PALS2: variants seen among roughly 807,000 people sequenced by gnomAD.
PALS2 encodes protein associated with LIN7 2, MAGUK p55 family member.
Under a neutral mutation model 61.6 loss-of-function variants are expected in PALS2, and 27 were observed. The observed-to-expected ratio is 0.44, with a 90% CI of 0.32 to 0.60. The LOEUF (loss-of-function observed/expected upper bound fraction) is 0.60, where lower values mean the gene tolerates loss of function less well. Among genes scored for constraint, PALS2 ranks in the 20% least tolerant of loss-of-function variants. The pLI is 0.05. For synonymous variants in PALS2, 236 were observed against 218.6 expected (o/e 1.08, Z -0.70); for missense variants, 554 against 639.4 (o/e 0.87, Z 1.44).
chr7:24,579,389 C>G (rs1413423166), intron 1 of PALS2, among the ~76,000 whole-genome samples: 1 of 152,082 alleles, frequency 6.6e-6, no homozygotes, highest in Admixed American at 6.5e-5. Context: ...GGAAATATGC[C>G]TTAATTGATA....
chr7:24,607,187 G>A (rs2711129), intron 1 of PALS2, among the ~76,000 whole-genome samples: 23,993 of 151,990 alleles, frequency 0.16, 1,917 homozygotes, highest in Non-Finnish European at 0.18. Flanking sequence ...TACTACATTG[G>A]GGAAAATGAG....
intron 2 of PALS2, among the ~76,000 whole-genome samples, chr7:24,628,497 T>G (rs974519204): frequency 6.6e-6 from 1 of 152,142 alleles, no homozygotes; most frequent in Non-Finnish European, 1.5e-5. Context: ...CAACGTAGTA[T>G]TGGAAGTTCT....
In PALS2 at chr7:24,679,171, G is replaced by A; in HGVS notation, c.1155G>A (p.Gln385=). ...RKPREDEKDG[Q]AYKFVSRSEM... ...CAAGGGAAGATGAAAAAGATGGCCAGGCATATAAGTTTGTGTCACGATCTG... is the reference window on the plus strand; with the variant it reads ...CAAGGGAAGATGAAAAAGATGGCCAAGCATATAAGTTTGTGTCACGATCTG... Residue 385 remains glutamine (Q), a synonymous_variant, in exon 10 of 12, where the codon CAG becomes CAA. Coordinates refer to ENST00000222644, the MANE Select transcript of PALS2 (RefSeq NM_001303037.2). 1 of 1,613,970 alleles carries A rather than the reference G, an allele frequency of 6.2e-7. No homozygotes were observed. Among genetic ancestry groups the A allele is most frequent in the Non-Finnish European group, 8.5e-7 (1 of 1,179,878 alleles).
Position 24,691,224 on chromosome 7 carries a change from T to G in PALS2, c.*3610T>G, listed in dbSNP as rs1008999522. Reference sequence around the variant, plus strand: ...AATAATAATCTACTTAAATTTTACTTTTGTAACTTCTGAAACAGTACTCCA... The same window carrying G: ...AATAATAATCTACTTAAATTTTACTGTTGTAACTTCTGAAACAGTACTCCA... On this transcript the variant is annotated 3_prime_UTR_variant, in exon 12 of 12. Coordinates refer to ENST00000222644, the MANE Select transcript of PALS2 (RefSeq NM_001303037.2). 1.3e-5 allele frequency: 2 copies of G among 151,842 alleles called. No individual in the cohort carries two copies. Among genetic ancestry groups the G allele is most frequent in the Admixed American group, 6.6e-5 (1 of 15,254 alleles). 9.4% of individuals were successfully genotyped at this position (151,842 alleles called of 1,614,324 possible). A position where few individuals can be genotyped will look rare whatever the true frequency, so the allele number is the denominator to read the frequency against.
rs941605368 is a variant in PALS2, at chr7:24,676,827, T to C, written c.1115-2304T>C. On this transcript the variant is annotated intron_variant, in intron 9 of 11. Transcript: ENST00000222644. ...GGTAGTGTGATGCCTCCAGCTTTGT[T>C]CTTTTGGCTTAGGATTGACTTGGTG... 2.6e-5 allele frequency among the ~76,000 whole-genome samples: 4 copies of C among 151,126 alleles called. 1 individual carries two copies. The highest frequency in any genetic ancestry group is 9.9e-5 in the African/African-American group (4 of 40,428).
At chr7:24,614,978 A>G (rs1342547929) in intron 1 of PALS2, among the ~76,000 whole-genome samples, 5 of 152,122 alleles carry the variant, frequency 3.3e-5, no homozygotes, top group African/African-American at 1.2e-4. Flanking sequence ...AAAACTAGAA[A>G]CCAGTAACAA....
At chr7:24,674,411 A>G (rs1363479468) in intron 9 of PALS2, 1 of 153,258 alleles carries the variant, frequency 6.5e-6, no homozygotes, top group East Asian at 1.9e-4. Context: ...TTCAGTGCTC[A>G]CCACAGTGCT....
At chr7:24,589,548 G>A (rs1304418155) in intron 1 of PALS2, 1 of 152,140 alleles carries the variant, frequency 6.6e-6, no homozygotes, top group African/African-American at 2.4e-5. Flanking sequence ...TGTGTGAAGA[G>A]ACTACTTTTC....
intron 9 of PALS2, among the ~76,000 whole-genome samples, chr7:24,669,278 T>C (rs1787182436): frequency 1.3e-5 from 2 of 152,256 alleles, no homozygotes; most frequent in Non-Finnish European, 1.5e-5. Context: ...ATTTCTCTAT[T>C]TGCATATTTA....
At chr7:24,685,647 G>GT (rs34096637) in intron 11 of PALS2, among the ~76,000 whole-genome samples, 7,078 of 132,818 alleles carry the variant, frequency 0.053, 232 homozygotes, top group African/African-American at 0.083. Flanking sequence ...TGTTAACAGG[G>GT]TTTTTTTTTT....
Position 24,647,436 on chromosome 7 carries a change from A to G in PALS2, c.271-2176A>G, listed in dbSNP as rs535851533. On this transcript the variant is annotated intron_variant, in intron 3 of 11. Transcript: ENST00000222644. The stretch of plus-strand genomic sequence containing the variant: ...AGTGCTGGGATTACAGGCGTGAGCC[A>G]TCATATCATGCCCAGCCTCATTGAT... Among the ~76,000 whole-genome samples the G allele has an allele frequency of 1.3e-4, 20 of 152,312 alleles. No individual in the cohort carries two copies. In the South Asian group the frequency reaches 4.1e-3, roughly 32 times the overall value.
At chr7:24,621,429 A>G (rs1784512532) in intron 1 of PALS2, among the ~76,000 whole-genome samples, 1 of 152,130 alleles carries the variant, frequency 6.6e-6, no homozygotes, top group Non-Finnish European at 1.5e-5. Flanking sequence ...TTTGGAAAAA[A>G]CTTAAGAGTT....
At chr7:24,671,727 A>G (rs537544118) in intron 9 of PALS2, among the ~76,000 whole-genome samples, 3 of 152,252 alleles carry the variant, frequency 2.0e-5, no homozygotes, top group African/African-American at 7.2e-5. Context: ...AAATGTGAGG[A>G]GGGGGTTCCA....
intron 1 of PALS2, among the ~76,000 whole-genome samples, chr7:24,594,886 T>C (rs1284512548): frequency 6.6e-6 from 1 of 152,156 alleles, no homozygotes; most frequent in Non-Finnish European, 1.5e-5. Flanking sequence ...GTTTGAAATA[T>C]TGTGAAAATT....
chr7:24,603,278 A>G (rs373926407), intron 1 of PALS2, among the ~76,000 whole-genome samples: 37 of 152,328 alleles, frequency 2.4e-4, no homozygotes, highest in African/African-American at 8.9e-4. Context: ...TTGCTGCCCA[A>G]AAGTTGTGGA....
At chr7:24,609,546 G>A (rs1450742206) in intron 1 of PALS2, among the ~76,000 whole-genome samples, 3 of 152,062 alleles carry the variant, frequency 2.0e-5, no homozygotes, top group African/African-American at 4.8e-5. Flanking sequence ...GACAACAGCC[G>A]TTTGATGAAA....
In PALS2 at chr7:24,659,269, T is replaced by C. The variant is rs115903488; in HGVS notation, c.652-4321T>C. Among the ~76,000 whole-genome samples the C allele has an allele frequency of 3.5e-3, 529 of 152,356 alleles. 5 individuals are homozygous for C. Among genetic ancestry groups the C allele is most frequent in the African/African-American group, 0.012 (503 of 41,582 alleles). On this transcript the variant is annotated intron_variant, in intron 5 of 11. Transcript: ENST00000222644. ...CACCATTATTGGGCGCCTAGGTTGATTTCATATCTTTGCTGTTGTGAAAAG... is the reference window on the plus strand; with the variant it reads ...CACCATTATTGGGCGCCTAGGTTGACTTCATATCTTTGCTGTTGTGAAAAG...
intron 1 of PALS2, among the ~76,000 whole-genome samples, chr7:24,617,089 TTCTTTTTG>T (rs1784319189): frequency 6.6e-6 from 1 of 151,608 alleles, no homozygotes; most frequent in African/African-American, 2.4e-5. Context: ...TATTCTTTTT[TTCTTTTTG>T]TCTGCCTTAG....
chr7:24,673,838 C>T (rs1167269549), intron 9 of PALS2, among the ~76,000 whole-genome samples: 1 of 151,732 alleles, frequency 6.6e-6, no homozygotes, highest in Non-Finnish European at 1.5e-5. Flanking sequence ...TTATTTTACT[C>T]TCTGTTTTTT....
Sources: allele counts gnomAD v4.1 joint callset (sites outside exome capture counted in the v4.1 genomes callset), GRCh38; gene constraint gnomAD v4.1.1; transcripts MANE v1.5; gene names NCBI Gene and HGNC (gene_info 2026-07-23, HGNC 2026-07-21).